NFASC: variants seen among roughly 807,000 people sequenced by gnomAD.
NFASC encodes neurofascin homolog.
NFASC carries 43 observed loss-of-function variants against 147.5 expected under a neutral mutation model. The observed-to-expected ratio is 0.29, with a 90% CI of 0.23 to 0.38. NFASC has a LOEUF of 0.38. NFASC is among the 10% of genes least tolerant of loss of function. NFASC has a pLI of 1.00. For missense variants in NFASC, 1,320 were observed against 1,689.0 expected, an observed-to-expected ratio of 0.78 and a Z score of 3.83; for synonymous variants, 622 against 665.5, an observed-to-expected ratio of 0.93 and a Z score of 1.01.
chr1:204,920,790 A>G, intron 2 of NFASC, 50 bp downstream of exon 2: 1 of 901,532 alleles, frequency 1.1e-6, no homozygotes, highest in Non-Finnish European at 1.6e-6. Flanking sequence ...GGTGAGAATG[A>G]GGGGACATTC....
intron 1 of NFASC, among the ~76,000 whole-genome samples, chr1:204,900,915 G>A (rs922159451): frequency 2.0e-5 from 3 of 152,048 alleles, no homozygotes; most frequent in South Asian, 2.1e-4. Flanking sequence ...GGCCTCTAGC[G>A]GTCCTCTCCT....
intron 1 of NFASC, among the ~76,000 whole-genome samples, chr1:204,833,266 A>C (rs763627638): frequency 6.9e-6 from 1 of 145,306 alleles, no homozygotes; most frequent in East Asian, 1.9e-4. Flanking sequence ...TTTCATCCTC[A>C]AAGGGTTAAC....
intron 2 of NFASC, among the ~76,000 whole-genome samples, chr1:204,930,073 C>T (rs2092213080): frequency 6.6e-6 from 1 of 152,132 alleles, no homozygotes; most frequent in Non-Finnish European, 1.5e-5. Flanking sequence ...TTTCAGAACC[C>T]AGTGCAGCCA....
chr1:204,872,954 A>G (rs1394443755), intron 1 of NFASC, among the ~76,000 whole-genome samples: 3 of 152,176 alleles, frequency 2.0e-5, no homozygotes, highest in Non-Finnish European at 2.9e-5. Context: ...CTGGTGTCAC[A>G]CTGTCGGTGA....
At chr1:204,901,383 A>G (rs1013458177) in intron 1 of NFASC, among the ~76,000 whole-genome samples, 7 of 152,184 alleles carry the variant, frequency 4.6e-5, no homozygotes, top group African/African-American at 7.2e-5. Flanking sequence ...AGCAATGAGA[A>G]AGGAGGAAAC....
chr1:204,902,780 A>G (rs1024481992), intron 1 of NFASC, among the ~76,000 whole-genome samples: 1 of 152,196 alleles, frequency 6.6e-6, no homozygotes, highest in African/African-American at 2.4e-5. Context: ...CTTAAGAGGA[A>G]AAGGGAAAGT....
chr1:204,873,772 G>A (rs1203456158), intron 1 of NFASC, among the ~76,000 whole-genome samples: 1 of 152,222 alleles, frequency 6.6e-6, no homozygotes, highest in African/African-American at 2.4e-5. Flanking sequence ...TTGCCAACCA[G>A]CTGGGCTGCT....
In NFASC at chr1:205,016,743, A is replaced by G. The variant is rs1322270718; in HGVS notation, c.*204A>G. The G allele has an allele frequency of 3.1e-6, 2 of 642,536 alleles. No individual in the cohort carries two copies. Among genetic ancestry groups the G allele is most frequent in the Non-Finnish European group, 5.7e-6 (2 of 350,040 alleles). 39.8% of individuals were successfully genotyped at this position (642,536 alleles called of 1,614,324 possible). ...TGACCCCCCTTCAGCCCCGGGTGCC[A>G]CCAGTGTGGGAGAGCTGGAGCCGTG... is the stretch of plus-strand genomic sequence containing the variant. On this transcript the variant is annotated 3_prime_UTR_variant, in exon 30 of 30. Coordinates refer to ENST00000339876, the MANE Select transcript of NFASC (RefSeq NM_001005388.3). This position sits in a 1 kb window ranked among gnomAD's most constrained non-coding sequence, Gnocchi z 5.1.
chr1:204,905,465 C>T (rs2085628905), intron 1 of NFASC, among the ~76,000 whole-genome samples: 3 of 151,744 alleles, frequency 2.0e-5, no homozygotes, highest in Admixed American at 6.6e-5. Context: ...TGACTTTGAA[C>T]GTCTTTTTAT....
chr1:204,926,406 A>ATT (rs1202294421), intron 2 of NFASC, among the ~76,000 whole-genome samples: 633 of 13,860 alleles, frequency 0.046, 15 homozygotes, highest in Non-Finnish European at 0.086. Flanking sequence ...ATATATATAT[A>ATT]TTTTTTTTTT....
chr1:204,997,433 T>C (rs1166034618), intron 25 of NFASC, 27 bp downstream of exon 25: 5 of 1,551,196 alleles, frequency 3.2e-6, no homozygotes, highest in Non-Finnish European at 8.7e-7. Flanking sequence ...ATGCTCCCCA[T>C]CCCCTCCTGG....
chr1:204,872,189 C>T (rs1038274236), intron 1 of NFASC, among the ~76,000 whole-genome samples: 1 of 152,230 alleles, frequency 6.6e-6, no homozygotes, highest in South Asian at 2.1e-4. Flanking sequence ...CACCCCAGGA[C>T]AGAGTGTCAG....
intron 24 of NFASC, among the ~76,000 whole-genome samples, chr1:204,991,645 C>T (rs12740617): frequency 0.16 from 23,611 of 152,298 alleles, 1,984 homozygotes; most frequent in Non-Finnish European, 0.2. Context: ...CACCTGAGTC[C>T]TTGCCTGGGC....
At chr1:204,872,480 C>T (rs974568565) in intron 1 of NFASC, among the ~76,000 whole-genome samples, 2 of 152,198 alleles carry the variant, frequency 1.3e-5, no homozygotes, top group Non-Finnish European at 2.9e-5. Flanking sequence ...TGCACAGGAG[C>T]TGGTGAGACA....
chr1:204,830,900 C>T (rs1449051079), intron 1 of NFASC, among the ~76,000 whole-genome samples: 3 of 152,188 alleles, frequency 2.0e-5, no homozygotes, highest in Admixed American at 2.0e-4. Flanking sequence ...AGCTCCTGTG[C>T]AGTAAACTCT....
intron 1 of NFASC, among the ~76,000 whole-genome samples, chr1:204,883,842 A>G (rs2080797407): frequency 6.6e-6 from 1 of 152,190 alleles, no homozygotes; most frequent in South Asian, 2.1e-4. Context: ...AGTGACCTCC[A>G]TGCTGCAGGG....
At position 204,994,022 on chromosome 1, in the gene NFASC, A is replaced by C. The variant is rs2095796789; in HGVS notation, c.2782+2716A>C. On this transcript the variant is annotated intron_variant, in intron 24 of 29. Transcript: ENST00000339876. ...TTTTCTTCTTTCCTCCACCCTCCCT[A>C]GCTCTCTGGAGGCCCTGTCTTGCCT... Among the ~76,000 whole-genome samples the C allele has an allele frequency of 1.3e-5, 2 of 152,000 alleles. 1 individual carries two copies. The highest frequency in any genetic ancestry group is 4.8e-5 in the African/African-American group (2 of 41,406).
At chr1:204,831,649 T>C (rs1335462752) in intron 1 of NFASC, among the ~76,000 whole-genome samples, 1 of 152,060 alleles carries the variant, frequency 6.6e-6, no homozygotes, top group Non-Finnish European at 1.5e-5. Flanking sequence ...AAAGAAATTC[T>C]TAGGAAATCA....
rs975618144 is a variant in NFASC at position 205,022,239 on chromosome 1, T to A, written c.*5700T>A. ...TCCCAACTGCAATGTCCTCAGTCAG[T>A]GTTGTCCCTCTGCCCGGCTCCCCAG... On this transcript the variant is annotated 3_prime_UTR_variant, in exon 30 of 30. Coordinates refer to ENST00000339876, the MANE Select transcript of NFASC (RefSeq NM_001005388.3). 1 of 152,676 alleles carries A rather than the reference T, an allele frequency of 6.5e-6. No individual in the cohort carries two copies. The highest frequency in any genetic ancestry group is 2.4e-5 in the African/African-American group (1 of 41,446). 9.5% of individuals were successfully genotyped at this position (152,676 alleles called of 1,614,324 possible).
Sources: gnomAD v4.1 joint callset for allele counts (sites outside exome capture counted in the v4.1 genomes callset) on GRCh38, gnomAD v4.1.1 for gene constraint, Gnocchi (gnomAD v3.1) non-coding constraint, MANE v1.5 for transcripts, NCBI Gene and HGNC (gene_info 2026-07-23, HGNC 2026-07-21) for gene names.